Variants in WDR27 observed in about 807,000 individuals in gnomAD.
The protein encoded by WDR27 is WD repeat-containing protein 27.
WDR27 carries 100 observed loss-of-function variants against 114.4 expected under a neutral mutation model. The ratio of observed to expected loss-of-function variants is 0.87; its 90% CI spans 0.74 to 1.03. The LOEUF is 1.03. Ranked by LOEUF, WDR27 falls within the 50% of genes least tolerant of loss-of-function variation. The pLI, the probability that WDR27 is intolerant of heterozygous loss-of-function variation, is 0.00. For missense variants in WDR27, 1,129 were observed against 1,092.9 expected (o/e 1.03, Z -0.47); for synonymous variants, 449 against 423.1 (o/e 1.06, Z -0.75).
At chr6:169,573,639 T>C (rs1279011122) in intron 24 of WDR27, among the ~76,000 whole-genome samples, 1 of 152,224 alleles carries the variant, frequency 6.6e-6, no homozygotes, top group East Asian at 1.9e-4. Context: ...ATGATTGCGA[T>C]AGTAATATAA....
In WDR27 at chr6:169,638,576, A is replaced by G. The variant is rs764371760; in HGVS notation, c.1832T>C (p.Met611Thr). The change falls in exon 18 of 26, where the codon ATG becomes ACG. Residue 611 changes from methionine to threonine, a missense_variant. Met to Thr is a moderately conservative substitution (Grantham distance 81, BLOSUM62 -1). Transcript: ENST00000448612. ...LSAARDGTLR[M>T]WSARGAELAL... ...GAGCTCTGCCCCACGAGCCGACCAC[A>G]TTCGCAGGGTCCCGTCCCGGGCCGC... The G allele has an allele frequency of 1.2e-6, 2 of 1,610,976 alleles. No individual in the cohort carries two copies. The highest frequency in any genetic ancestry group is 1.1e-5 in the South Asian group (1 of 90,334).
Position 169,689,017 on chromosome 6 carries a change from A to T in WDR27, c.-7-5T>A, listed in dbSNP as rs1783785407. ...TGGGGATTTTCCATCTTCAATCTGA[A>T]AACAAAAAGTACATATAAGATGACT... On this transcript the variant is annotated splice_region_variant and splice_polypyrimidine_tract_variant and intron_variant, in intron 1 of 25. Coordinates refer to ENST00000448612, the MANE Select transcript of WDR27 (RefSeq NM_182552.5). The T allele has an allele frequency of 2.5e-6, 4 of 1,604,156 alleles. No homozygotes were observed. The South Asian group carries it at 3.4e-5, about 13-fold the overall frequency.
intron 25 of WDR27, among the ~76,000 whole-genome samples, chr6:169,474,214 A>G (rs1464441932): frequency 6.6e-6 from 1 of 152,248 alleles, no homozygotes; most frequent in Non-Finnish European, 1.5e-5. Flanking sequence ...TTGCCTAGTA[A>G]TATTCCTGGA....
chr6:169,590,851 T>C (rs9478068), intron 23 of WDR27, among the ~76,000 whole-genome samples: 80,849 of 152,100 alleles, frequency 0.53, 23,825 homozygotes, highest in Non-Finnish European at 0.67. Context: ...TATGCCATTC[T>C]GTGTCTACGC....
intron 25 of WDR27, among the ~76,000 whole-genome samples, chr6:169,480,350 C>T (rs373209914): frequency 2.0e-5 from 3 of 152,206 alleles, no homozygotes; most frequent in African/African-American, 7.2e-5. Context: ...CCACGTGGCC[C>T]GAGCCTCCCT....
intron 25 of WDR27, among the ~76,000 whole-genome samples, chr6:169,566,816 T>C (rs1220364641): frequency 6.6e-6 from 1 of 152,220 alleles, no homozygotes; most frequent in African/African-American, 2.4e-5. Context: ...AAATCAGCCA[T>C]AGTCTGTGCT....
At chr6:169,518,420 T>C (rs1431621500) in intron 25 of WDR27, among the ~76,000 whole-genome samples, 2 of 152,270 alleles carry the variant, frequency 1.3e-5, no homozygotes, top group Non-Finnish European at 2.9e-5. Flanking sequence ...GCACTCTGCA[T>C]TCCTACAGGC....
intron 25 of WDR27, among the ~76,000 whole-genome samples, chr6:169,501,647 C>G (rs73789981): frequency 0.016 from 2,474 of 152,342 alleles, 64 homozygotes; most frequent in African/African-American, 0.057. Context: ...GACTCGCCTG[C>G]ATGTTCTCAT....
At chr6:169,681,086 T>C (rs993782922) in intron 2 of WDR27, among the ~76,000 whole-genome samples, 10 of 152,172 alleles carry the variant, frequency 6.6e-5, no homozygotes, top group African/African-American at 2.4e-4. Flanking sequence ...ACAAACACAA[T>C]TATTCCTAAT....
intron 21 of WDR27, among the ~76,000 whole-genome samples, chr6:169,614,302 C>T (rs1407949407): frequency 6.6e-6 from 1 of 152,098 alleles, no homozygotes; most frequent in East Asian, 1.9e-4. Flanking sequence ...AATATTAAGA[C>T]AAATTTCATG....
At chr6:169,539,894 A>G (rs1456201694) in intron 25 of WDR27, among the ~76,000 whole-genome samples, 1 of 152,172 alleles carries the variant, frequency 6.6e-6, no homozygotes, top group Non-Finnish European at 1.5e-5. Flanking sequence ...GTTAACCTAC[A>G]TAGACTCCTC....
chr6:169,632,765 A>G (rs1816736733), intron 21 of WDR27, among the ~76,000 whole-genome samples, 182 bp downstream of exon 21: 1 of 152,244 alleles, frequency 6.6e-6, no homozygotes, highest in African/African-American at 2.4e-5. Flanking sequence ...TTAACATTCA[A>G]CATGATATTA....
At chr6:169,613,406 GTTAGAGCTAACTTTTCT>G (rs1811068055) in intron 22 of WDR27, among the ~76,000 whole-genome samples, 136 bp downstream of exon 22, 1 of 152,220 alleles carries the variant, frequency 6.6e-6, no homozygotes, top group African/African-American at 2.4e-5. Flanking sequence ...CCCTTCCAAA[GTTAGAGCTAACTTTTCT>G]GTGCATAAAT....
Position 169,607,511 on chromosome 6 carries a change from G to T in WDR27, c.2322-5190C>A, listed in dbSNP as rs1809501925. ...GGAAGTAGAGGGCATTATCTTAAGT[G>T]AAACAACTCAGAAACAGAACGACAA... On this transcript the variant is annotated intron_variant, in intron 22 of 25. Coordinates refer to ENST00000448612, the MANE Select transcript of WDR27 (RefSeq NM_182552.5). 2.0e-5 allele frequency among the ~76,000 whole-genome samples: 3 copies of T among 152,078 alleles called. No homozygotes were observed. The South Asian group carries it at 6.2e-4, about 32-fold the overall frequency.
At chr6:169,656,540 G>T (rs1169624277) in intron 13 of WDR27, among the ~76,000 whole-genome samples, 1 of 152,156 alleles carries the variant, frequency 6.6e-6, no homozygotes, top group African/African-American at 2.4e-5. Flanking sequence ...GGCGGCTTGT[G>T]GGGTCCAGGA....
intron 25 of WDR27, among the ~76,000 whole-genome samples, chr6:169,564,294 C>G (rs539049092): frequency 6.6e-6 from 1 of 152,326 alleles, no homozygotes; most frequent in South Asian, 2.1e-4. Context: ...TTTATCCTAG[C>G]CAAGCCGGCA....
intron 5 of WDR27, 42 bp downstream of exon 5, chr6:169,667,940 G>C (rs761593308): frequency 6.4e-7 from 1 of 1,556,974 alleles, no homozygotes; most frequent in Non-Finnish European, 8.7e-7. Context: ...TCTTTCCACA[G>C]CACGTGCCAC....
At chr6:169,624,095 GGCA>G in intron 21 of WDR27, among the ~76,000 whole-genome samples, 1 of 152,082 alleles carries the variant, frequency 6.6e-6, no homozygotes, top group African/African-American at 2.4e-5. Flanking sequence ...TGCAGCATGT[GGCA>G]TCAGGTGTGC....
rs531957854 is a variant in WDR27, at chr6:169,566,466, G to A, written c.2645+5953C>T. On this transcript the variant is annotated intron_variant, in intron 25 of 25. Transcript: ENST00000448612. The stretch of plus-strand genomic sequence containing the variant: ...GGCCTCGAAGAGACTCTCAAACCAC[G>A]TCACGGGATGAGAAACAAAATGACA... Among the ~76,000 whole-genome samples the A allele has an allele frequency of 3.9e-5, 6 of 152,362 alleles. No homozygotes were observed. In the South Asian group the frequency reaches 6.2e-4, roughly 16 times the overall value.
Sources: allele counts gnomAD v4.1 joint callset (sites outside exome capture counted in the v4.1 genomes callset), GRCh38; gene constraint gnomAD v4.1.1; transcripts MANE v1.5; gene names NCBI Gene and HGNC (gene_info 2026-07-23, HGNC 2026-07-21).